TPTE: variants seen among roughly 807,000 people sequenced by gnomAD.
The protein encoded by TPTE is putative tyrosine-protein phosphatase TPTE.
TPTE carries 59 observed loss-of-function variants against 84.1 expected under a neutral mutation model. That is an observed-to-expected ratio of 0.70 (90% confidence interval 0.57 to 0.87). The LOEUF is 0.87. TPTE is among the 40% of genes least tolerant of loss of function. The pLI, the probability that TPTE is intolerant of heterozygous loss-of-function variation, is 0.00. For missense variants in TPTE, 382 were observed against 659.6 expected, an observed-to-expected ratio of 0.58 and a Z score of 4.61; for synonymous variants, 130 against 223.5, an observed-to-expected ratio of 0.58 and a Z score of 3.73.
At chr21:10,573,741 G>A (rs1363345359) in intron 14 of TPTE, among the ~76,000 whole-genome samples, 1 of 152,426 alleles carries the variant, frequency 6.6e-6, no homozygotes, top group South Asian at 2.1e-4. Context: ...GAAGGAAACA[G>A]ATTTTTTAAA....
At chr21:10,573,059 T>TAAAAAAA (rs56182104) in intron 14 of TPTE, among the ~76,000 whole-genome samples, 14 of 146,602 alleles carry the variant, frequency 9.5e-5, no homozygotes, top group Non-Finnish European at 1.1e-4. Flanking sequence ...TGCCAAGATT[T>TAAAAAAA]AAAAAAAAAA....
chr21:10,554,933 CAGA>C (rs2074651487), intron 8 of TPTE, among the ~76,000 whole-genome samples: 1 of 152,306 alleles, frequency 6.6e-6, no homozygotes, highest in African/African-American at 2.4e-5. Context: ...GCAGGAAGAC[CAGA>C]GTCACTACAG....
intron 7 of TPTE, among the ~76,000 whole-genome samples, chr21:10,545,653 T>C (rs558461422): frequency 1.5e-4 from 22 of 148,458 alleles, no homozygotes; most frequent in African/African-American, 3.5e-4. Flanking sequence ...CACACACACA[T>C]ATAACACACA....
At chr21:10,575,324 C>T (rs2075128679) in intron 14 of TPTE, among the ~76,000 whole-genome samples, 1 of 152,312 alleles carries the variant, frequency 6.6e-6, no homozygotes, top group Non-Finnish European at 1.5e-5. Flanking sequence ...GGGCTTTAAC[C>T]ACTCCAGCAG....
intron 13 of TPTE, 122 bp downstream of exon 13, chr21:10,569,868 T>G: frequency 6.3e-7 from 1 of 1,598,040 alleles, no homozygotes; most frequent in Admixed American, 1.7e-5. Flanking sequence ...GGATATATGC[T>G]ACTGTGATAG....
At chr21:10,542,643 C>G (rs1219755606) in intron 6 of TPTE, among the ~76,000 whole-genome samples, 195 bp downstream of exon 6, 2 of 152,306 alleles carry the variant, frequency 1.3e-5, no homozygotes, top group Non-Finnish European at 2.9e-5. Flanking sequence ...AACACACTTA[C>G]ACAAACTAAT....
chr21:10,566,774 C>G lies in TPTE; in HGVS notation c.447-896C>G, dbSNP rs566305604. 3.3e-5 allele frequency among the ~76,000 whole-genome samples: 5 copies of G among 152,408 alleles called. No individual in the cohort carries two copies. The South Asian group carries it at 1.0e-3, about 32-fold the overall frequency. ...GGCAGATCACCTGAAGTCGGGAGTT[C>G]GAGACCAGCCTGACCAACATGGAGA... On this transcript the variant is annotated intron_variant, in intron 10 of 23. Coordinates refer to ENST00000618007, the MANE Select transcript of TPTE (RefSeq NM_199261.4).
intron 9 of TPTE, among the ~76,000 whole-genome samples, chr21:10,560,029 TG>T (rs2074764749): frequency 6.6e-6 from 1 of 152,304 alleles, no homozygotes; most frequent in East Asian, 1.9e-4. Flanking sequence ...AGTAGCCATG[TG>T]CCCCATCTAA....
intron 3 of TPTE, among the ~76,000 whole-genome samples, chr21:10,535,931 A>G (rs2074258180): frequency 6.6e-6 from 1 of 152,310 alleles, no homozygotes; most frequent in African/African-American, 2.4e-5. Context: ...AGGAATCAAG[A>G]ATTTAGATGG....
At chr21:10,551,432 T>TTA (rs1555888284) in intron 7 of TPTE, among the ~76,000 whole-genome samples, 5 of 150,766 alleles carry the variant, frequency 3.3e-5, no homozygotes, top group East Asian at 1.9e-4. Context: ...ACTTAAAGTA[T>TTA]AAAAAAAAAA....
chr21:10,569,164 G>T (rs1390186341), intron 11 of TPTE, among the ~76,000 whole-genome samples: 1 of 152,312 alleles, frequency 6.6e-6, no homozygotes, highest in African/African-American at 2.4e-5. Flanking sequence ...TGTCATAAGA[G>T]GGTGGTGAGC....
chr21:10,538,804 G>T, intron 4 of TPTE, 70 bp downstream of exon 4: 1 of 1,613,852 alleles, frequency 6.2e-7, no homozygotes, highest in South Asian at 1.1e-5. Context: ...ACAGACACAG[G>T]CACATAAACA....
intron 20 of TPTE, 76 bp downstream of exon 20, chr21:10,596,163 T>C (rs2075585013): frequency 5.7e-6 from 9 of 1,584,702 alleles, no homozygotes; most frequent in Non-Finnish European, 7.8e-6. Flanking sequence ...TTGCTCATAG[T>C]TGTATATACA....
At chr21:10,594,072 T>C (rs1600975234) in intron 19 of TPTE, among the ~76,000 whole-genome samples, 1 of 152,310 alleles carries the variant, frequency 6.6e-6, no homozygotes, top group African/African-American at 2.4e-5. Context: ...ATCCATACTA[T>C]GTCCCCACTG....
intron 1 of TPTE, among the ~76,000 whole-genome samples, 175 bp from the exon 2 acceptor site, chr21:10,524,405 T>C (rs1276896714): frequency 6.6e-6 from 1 of 152,304 alleles, no homozygotes; most frequent in Non-Finnish European, 1.5e-5. Context: ...GGACAACCCG[T>C]GGGTGTAAGG....
At chr21:10,532,653 A>G (rs1202262533) in intron 3 of TPTE, among the ~76,000 whole-genome samples, 2 of 152,310 alleles carry the variant, frequency 1.3e-5, no homozygotes, top group Non-Finnish European at 2.9e-5. Context: ...TCTTCTAAAT[A>G]TTGCTTCATT....
chr21:10,598,428 C>T (rs532324602), intron 21 of TPTE, among the ~76,000 whole-genome samples: 3 of 152,312 alleles, frequency 2.0e-5, no homozygotes, highest in Non-Finnish European at 2.9e-5. Flanking sequence ...ATATTCTCTT[C>T]TTCTCCGTCA....
intron 2 of TPTE, among the ~76,000 whole-genome samples, chr21:10,525,594 A>G (rs1222063504): frequency 6.6e-6 from 1 of 152,312 alleles, no homozygotes; most frequent in East Asian, 1.9e-4. Context: ...ATAACCTGGT[A>G]GCATGATTAT....
chr21:10,538,242 T>C (rs924285370), intron 3 of TPTE, among the ~76,000 whole-genome samples: 4 of 152,300 alleles, frequency 2.6e-5, no homozygotes, highest in African/African-American at 7.2e-5. Context: ...TACCATCATA[T>C]TGGATTGTGT....
Sources: gnomAD v4.1 joint callset for allele counts (sites outside exome capture counted in the v4.1 genomes callset) on GRCh38, gnomAD v4.1.1 for gene constraint, MANE v1.5 for transcripts, NCBI Gene and HGNC (gene_info 2026-07-23, HGNC 2026-07-21) for gene names.